FAM167A: variants seen among roughly 807,000 people sequenced by gnomAD.
The protein encoded by FAM167A is family with sequence similarity 167 member A.
In FAM167A, 23 loss-of-function variants were observed where a neutral mutation model predicts 14.9. That is an observed-to-expected ratio of 1.55 (90% CI 1.11 to 2.19). The LOEUF is 2.19. FAM167A is among the 30% of genes most tolerant of loss of function. The pLI, the probability that FAM167A is intolerant of heterozygous loss-of-function variation, is 0.00. For missense variants in FAM167A, 401 were observed against 281.5 expected, an observed-to-expected ratio of 1.42 and a Z score of -3.04; for synonymous variants, 174 against 117.7, an observed-to-expected ratio of 1.48 and a Z score of -3.10.
At chr8:11,445,310 C>G (rs1235501556) in intron 1 of FAM167A, 14 of 985,920 alleles carry the variant, frequency 1.4e-5, no homozygotes, top group Non-Finnish European at 1.7e-5. Flanking sequence ...CCAGGTGCCA[C>G]TGCCCCCTCA....
intron 2 of FAM167A, among the ~76,000 whole-genome samples, chr8:11,442,986 A>T (rs1277283756): frequency 6.6e-6 from 1 of 152,150 alleles, no homozygotes; most frequent in Non-Finnish European, 1.5e-5. Flanking sequence ...AGTTTTCGGG[A>T]TTCTGCAAAA....
At chr8:11,438,150 T>C (rs1399867515) in intron 2 of FAM167A, 4 of 456,388 alleles carry the variant, frequency 8.8e-6, no homozygotes, top group African/African-American at 8.0e-5. Flanking sequence ...GACATGGGGC[T>C]GGATGAAAAG....
At chr8:11,441,888 C>T (rs534111420) in intron 2 of FAM167A, among the ~76,000 whole-genome samples, 1 of 152,224 alleles carries the variant, frequency 6.6e-6, no homozygotes, top group East Asian at 1.9e-4. Context: ...GGGAATCAAA[C>T]AGGAAAAGCA....
Position 11,443,258 on chromosome 8 carries a change from C to T in FAM167A, c.381+773G>A, listed in dbSNP as rs555946430. Reference sequence around the variant, plus strand: ...GAAGGGGACAGGGCACCCAGCTCTGCCCCCCCACCCTGTTCTCAGGCTGAG... The same window carrying T: ...GAAGGGGACAGGGCACCCAGCTCTGTCCCCCCACCCTGTTCTCAGGCTGAG... On this transcript the variant is annotated intron_variant, in intron 2 of 2. Transcript: ENST00000284486. Among the ~76,000 whole-genome samples the T allele has an allele frequency of 3.3e-5, 5 of 152,218 alleles. No individual in the cohort carries two copies. The South Asian group carries it at 6.2e-4, about 19-fold the overall frequency.
chr8:11,439,294 T>A (rs1345059915), intron 2 of FAM167A, among the ~76,000 whole-genome samples: 1 of 152,260 alleles, frequency 6.6e-6, no homozygotes, highest in East Asian at 1.9e-4. Context: ...AACCTGGCTG[T>A]ATCGCCCACT....
chr8:11,430,541 C>T (rs1805509637), intron 2 of FAM167A, among the ~76,000 whole-genome samples: 1 of 152,140 alleles, frequency 6.6e-6, no homozygotes, highest in Non-Finnish European at 1.5e-5. Flanking sequence ...AATAGGTGAA[C>T]TGTATGGTAT....
chr8:11,439,332 A>C (rs1439460029), intron 2 of FAM167A, among the ~76,000 whole-genome samples: 1 of 152,216 alleles, frequency 6.6e-6, no homozygotes, highest in Non-Finnish European at 1.5e-5. Context: ...GGTGAGTATG[A>C]CCTGCCATTT....
chr8:11,456,194 G>T (rs1280471313), intron 1 of FAM167A, among the ~76,000 whole-genome samples: 1 of 130,726 alleles, frequency 7.6e-6, no homozygotes, highest in Non-Finnish European at 1.6e-5. Context: ...GTGAATGTGG[G>T]GGGTGGTTGC....
intron 1 of FAM167A, among the ~76,000 whole-genome samples, chr8:11,447,917 C>A (rs904837430): frequency 3.3e-5 from 5 of 152,172 alleles, no homozygotes; most frequent in Non-Finnish European, 5.9e-5. Context: ...AAGAATTGGC[C>A]GGGCGCCGTG....
chr8:11,468,854 C>G (rs950917598), upstream of FAM167A, among the ~76,000 whole-genome samples: 2 of 152,222 alleles, frequency 1.3e-5, no homozygotes, highest in South Asian at 4.1e-4. Flanking sequence ...AGGGTGGTGT[C>G]TTGCCCTGTG....
chr8:11,464,131 G>C (rs1306295978), intron 1 of FAM167A, among the ~76,000 whole-genome samples: 1 of 151,926 alleles, frequency 6.6e-6, no homozygotes, highest in Non-Finnish European at 1.5e-5. Context: ...GGCAGGCAGT[G>C]TGCAGAAGGA....
intron 1 of FAM167A, chr8:11,445,695 A>C (rs2117095150): frequency 1.2e-6 from 1 of 835,598 alleles, no homozygotes; most frequent in South Asian, 5.4e-5. Context: ...CCCAGTAAGA[A>C]GAGACCGCAG....
At chr8:11,438,192 G>A (rs761918289) in intron 2 of FAM167A, 5 of 452,058 alleles carry the variant, frequency 1.1e-5, no homozygotes, top group Admixed American at 2.4e-5. Context: ...CCCCGGAATC[G>A]CCATGAGCTG....
At chr8:11,441,442 G>A (rs181459626) in intron 2 of FAM167A, among the ~76,000 whole-genome samples, 567 of 152,324 alleles carry the variant, frequency 3.7e-3, no homozygotes, top group Non-Finnish European at 5.1e-3. Flanking sequence ...ATCTGCACAT[G>A]AGCCCCAGTG....
chr8:11,445,078 G>A (rs992621763), intron 1 of FAM167A: 2 of 959,654 alleles, frequency 2.1e-6, no homozygotes, highest in African/African-American at 1.8e-5. Flanking sequence ...CAGCAAGTCT[G>A]CAGGGATTTG....
At chr8:11,465,236 A>T (rs773355036) in intron 1 of FAM167A, among the ~76,000 whole-genome samples, 12 of 152,076 alleles carry the variant, frequency 7.9e-5, no homozygotes, top group African/African-American at 1.2e-4. Context: ...TTCTCATTTC[A>T]TCTGGGCGTG....
In FAM167A at chr8:11,444,699, C is replaced by T. The variant is rs1256048347; in HGVS notation, c.-288G>A. The T allele has an allele frequency of 2.0e-5, 24 of 1,200,132 alleles. No individual in the cohort carries two copies. The highest frequency in any genetic ancestry group is 1.3e-4 in the African/African-American group (8 of 63,430). 74.3% of individuals were successfully genotyped at this position (1,200,132 alleles called of 1,614,324 possible). A position where few individuals can be genotyped will look rare whatever the true frequency, so the allele number is the denominator to read the frequency against. Reference sequence around the variant, plus strand: ...GGAACAGACAGCGTCGCAGGAATCTCGGGGCAGCCTGTGCCAAGGTCTATC... The same window carrying T: ...GGAACAGACAGCGTCGCAGGAATCTTGGGGCAGCCTGTGCCAAGGTCTATC... On this transcript the variant is annotated 5_prime_UTR_variant, in exon 2 of 3. Coordinates refer to ENST00000284486, the MANE Select transcript of FAM167A (RefSeq NM_053279.3).
At chr8:11,442,499 A>G (rs2117077068) in intron 2 of FAM167A, among the ~76,000 whole-genome samples, 1 of 152,338 alleles carries the variant, frequency 6.6e-6, no homozygotes, top group Middle Eastern at 3.4e-3. Context: ...CCTTAAAAAG[A>G]AAAAGCCTCA....
At chr8:11,466,894 C>T (rs1807797939), upstream of FAM167A, 1 of 152,254 alleles carries the variant, frequency 6.6e-6, no homozygotes, top group African/African-American at 2.4e-5. Context: ...CGAGCGCGCC[C>T]CGGGTCCTAG....
Sources: allele counts gnomAD v4.1 joint callset (sites outside exome capture counted in the v4.1 genomes callset), GRCh38; gene constraint gnomAD v4.1.1; transcripts MANE v1.5; gene names NCBI Gene and HGNC (gene_info 2026-07-23, HGNC 2026-07-21).